The following SIDT1 variants were observed in gnomAD, a reference collection of about 807,000 sequenced individuals.
SIDT1 encodes the protein SID1 transmembrane family, member 1.
A neutral mutation model predicts 107.5 loss-of-function variants in SIDT1; 101 were observed. The ratio of observed to expected loss-of-function variants is 0.94; its 90% CI spans 0.80 to 1.11. The LOEUF is 1.11. SIDT1 is among the 50% of genes least tolerant of loss of function. The probability of loss-of-function intolerance (pLI) is 0.00; values close to 1 mark genes in which losing one functional copy is unlikely to be tolerated. For synonymous variants in SIDT1, 395 were observed against 398.2 expected (o/e 0.99, Z 0.10); for missense variants, 1,076 against 1,058.2 (o/e 1.02, Z -0.23).
chr3:113,534,236 A>G (rs1937836494), intron 1 of SIDT1, among the ~76,000 whole-genome samples: 1 of 117,866 alleles, frequency 8.5e-6, no homozygotes, highest in Non-Finnish European at 2.0e-5. Flanking sequence ...TTGGGATACC[A>G]TGATATGCCT....
At chr3:113,610,745 G>T (rs1270489490) in intron 17 of SIDT1, among the ~76,000 whole-genome samples, 1 of 152,146 alleles carries the variant, frequency 6.6e-6, no homozygotes, top group African/African-American at 2.4e-5. Context: ...TGTGAAAGAG[G>T]AGTTATTTAT....
At chr3:113,585,153 C>G (rs1478738010) in intron 8 of SIDT1, 24 bp from the exon 9 acceptor site, 1 of 1,563,566 alleles carries the variant, frequency 6.4e-7, no homozygotes, top group Admixed American at 1.7e-5. Context: ...GATGACCTGA[C>G]CAAAGTTGTT....
chr3:113,615,948 T>A (rs2107761600), intron 19 of SIDT1, 152 bp from the exon 20 acceptor site: 3 of 675,696 alleles, frequency 4.4e-6, no homozygotes, highest in Non-Finnish European at 8.1e-6. Flanking sequence ...TCAAAGCAAA[T>A]ACTTATTGCG....
intron 3 of SIDT1, among the ~76,000 whole-genome samples, chr3:113,576,334 C>G (rs765512113): frequency 6.6e-6 from 1 of 152,104 alleles, no homozygotes. Flanking sequence ...AATGCCTAAC[C>G]TAAACGGAAC....
intron 1 of SIDT1, among the ~76,000 whole-genome samples, chr3:113,534,205 G>A (rs1403351225): frequency 6.6e-6 from 1 of 151,794 alleles, no homozygotes; most frequent in East Asian, 1.9e-4. Context: ...TACCCTCTAG[G>A]GAAATTCCAG....
At chr3:113,601,927 T>G in intron 11 of SIDT1, 1 of 347,100 alleles carries the variant, frequency 2.9e-6, no homozygotes, top group Non-Finnish European at 5.2e-6. Context: ...TAAGGCCCCC[T>G]AGGGACTTTT....
intron 4 of SIDT1, among the ~76,000 whole-genome samples, chr3:113,578,446 G>A (rs1219554522): frequency 8.2e-4 from 119 of 145,986 alleles, no homozygotes; most frequent in Non-Finnish European, 1.2e-4. Context: ...CAGCCTGGGC[G>A]ACAGAGCGAG....
At chr3:113,601,725 A>T (rs1576918421) in intron 11 of SIDT1, 66 bp downstream of exon 11, 1 of 1,142,716 alleles carries the variant, frequency 8.8e-7, no homozygotes, top group Non-Finnish European at 1.3e-6. Context: ...ATAGAAAGGC[A>T]TTCCAGCCAC....
At position 113,610,878 on chromosome 3, in the gene SIDT1, A is replaced by G. The variant is rs914241551; in HGVS notation, c.1721-130A>G. 51 of 1,136,868 alleles carry G rather than the reference A, an allele frequency of 4.5e-5. No homozygotes were observed. In the South Asian group the frequency reaches 6.6e-4, roughly 15 times the overall value. The allele number at this position is 1,136,868 out of a possible 1,614,324, so 70.4% of individuals were successfully genotyped here. A position where few individuals can be genotyped will look rare whatever the true frequency, so the allele number is the denominator to read the frequency against. On this transcript the variant is annotated intron_variant, in intron 17 of 24. Transcript: ENST00000264852. The stretch of plus-strand genomic sequence containing the variant: ...GCTGACATGTTAGAGGTCTCCACAC[A>G]GCCTGCGGGTAGAAAATAGTCCATG...
intron 5 of SIDT1, among the ~76,000 whole-genome samples, 168 bp downstream of exon 5, chr3:113,580,877 C>T (rs957313625): frequency 1.3e-5 from 2 of 152,250 alleles, no homozygotes; most frequent in African/African-American, 2.4e-5. Context: ...ACTGTGTTTG[C>T]AGACACTAAT....
At chr3:113,580,824 C>T (rs1943271595) in intron 5 of SIDT1, 115 bp downstream of exon 5, 1 of 705,472 alleles carries the variant, frequency 1.4e-6, no homozygotes, top group Non-Finnish European at 2.5e-6. Context: ...CCTTCCAAAA[C>T]TACTAAACAA....
At chr3:113,562,649 T>C (rs1180243091) in intron 1 of SIDT1, among the ~76,000 whole-genome samples, 2 of 152,298 alleles carry the variant, frequency 1.3e-5, no homozygotes, top group Non-Finnish European at 2.9e-5. Context: ...ATTTGAAATA[T>C]AGGCAAATCC....
intron 14 of SIDT1, among the ~76,000 whole-genome samples, chr3:113,606,192 T>C (rs1160937045): frequency 6.6e-6 from 1 of 152,142 alleles, no homozygotes; most frequent in Non-Finnish European, 1.5e-5. Context: ...TCTATAGAAT[T>C]TATTACACAG....
At position 113,583,510 on chromosome 3, in the gene SIDT1, A is replaced by G; in HGVS notation, c.835+14A>G. 1 of 1,552,180 alleles carries G rather than the reference A, an allele frequency of 6.4e-7. No homozygotes were observed. The highest frequency in any genetic ancestry group is 1.7e-5 in the Admixed American group (1 of 59,434). On this transcript the variant is annotated intron_variant, in intron 7 of 24. Coordinates refer to ENST00000264852, the MANE Select transcript of SIDT1 (RefSeq NM_017699.3). ...TCTTCATCCAGGGTAAGAGCTAGTG[A>G]GGAACACTTGGCTGCTTAGCAAAAC...
chr3:113,610,588 C>T (rs938275723), intron 17 of SIDT1, among the ~76,000 whole-genome samples: 10 of 152,122 alleles, frequency 6.6e-5, no homozygotes, highest in African/African-American at 1.9e-4. Flanking sequence ...GTGCTGAGAA[C>T]GACCTCCCAC....
chr3:113,549,049 A>T (rs1939918237), intron 1 of SIDT1, among the ~76,000 whole-genome samples: 1 of 152,164 alleles, frequency 6.6e-6, no homozygotes, highest in Non-Finnish European at 1.5e-5. Context: ...AATGTAAAAC[A>T]TTAAGGTTCC....
Position 113,627,752 on chromosome 3 carries a change from C to T in SIDT1, c.*44C>T, listed in dbSNP as rs748077621. ...GGGGAGGGAGCGATCAATCTTGGTGCTGTTTCACAAAAATTACAGTGACCA... is the reference window on the plus strand; with the variant it reads ...GGGGAGGGAGCGATCAATCTTGGTGTTGTTTCACAAAAATTACAGTGACCA... On this transcript the variant is annotated 3_prime_UTR_variant, in exon 25 of 25. Transcript: ENST00000264852. 9 of 1,589,018 alleles carry T rather than the reference C, an allele frequency of 5.7e-6. No individual in the cohort carries two copies. Among genetic ancestry groups the T allele is most frequent in the South Asian group, 3.3e-5 (3 of 90,366 alleles).
intron 9 of SIDT1, among the ~76,000 whole-genome samples, chr3:113,589,529 C>CTT (rs386397654): frequency 0.01 from 1,175 of 115,980 alleles, 28 homozygotes; most frequent in African/African-American, 0.028. Context: ...ACTTCTCTCC[C>CTT]TTTTTTTTTT....
intron 16 of SIDT1, 57 bp from the exon 17 acceptor site, chr3:113,608,362 G>T: frequency 6.5e-7 from 1 of 1,532,752 alleles, no homozygotes; most frequent in South Asian, 1.1e-5. Flanking sequence ...CCAGATTAGT[G>T]ACTTGGTGGA....
Sources: allele counts gnomAD v4.1 joint callset (sites outside exome capture counted in the v4.1 genomes callset), GRCh38; gene constraint gnomAD v4.1.1; transcripts MANE v1.5; gene names NCBI Gene and HGNC (gene_info 2026-07-23, HGNC 2026-07-21).